PFKFB3: variants seen among roughly 807,000 people sequenced by gnomAD.
The protein encoded by PFKFB3 is 6-phosphofructo-2-kinase/fructose-2,6-biphosphatase 3.
PFKFB3 carries 33 observed loss-of-function variants against 68.0 expected under a neutral mutation model. The observed-to-expected ratio is 0.49, with a 90% CI of 0.37 to 0.65. PFKFB3 has a LOEUF of 0.65. Ranked by LOEUF, PFKFB3 falls within the 30% of genes least tolerant of loss-of-function variation. PFKFB3 has a pLI of 0.00. For missense variants in PFKFB3, 586 were observed against 712.2 expected, an observed-to-expected ratio of 0.82 and a Z score of 2.02; for synonymous variants, 315 against 288.2, an observed-to-expected ratio of 1.09 and a Z score of -0.94.
chr10:6,221,957 G>A (rs1175806500), intron 10 of PFKFB3, among the ~76,000 whole-genome samples: 1 of 152,192 alleles, frequency 6.6e-6, no homozygotes, highest in East Asian at 1.9e-4. Context: ...TGTTTCCCTA[G>A]GGACATAGAA....
chr10:6,167,329 C>CGGTCCTCAG (rs1030103118), intron 1 of PFKFB3, among the ~76,000 whole-genome samples: 2 of 152,198 alleles, frequency 1.3e-5, no homozygotes, highest in Non-Finnish European at 2.9e-5. Flanking sequence ...TTCAGCTCTG[C>CGGTCCTCAG]GGTCCTCAGT....
At chr10:6,246,496 C>T (rs1354797192) in intron 14 of PFKFB3, among the ~76,000 whole-genome samples, 8 of 151,678 alleles carry the variant, frequency 5.3e-5, no homozygotes, top group Admixed American at 3.3e-4. Flanking sequence ...CCTGCCACCA[C>T]GCCTGGCTAA....
chr10:6,212,673 A>G (rs1844307234), intron 1 of PFKFB3, among the ~76,000 whole-genome samples: 1 of 152,060 alleles, frequency 6.6e-6, no homozygotes, highest in African/African-American at 2.4e-5. Context: ...TTTTTAATTT[A>G]TTTGTTTGTA....
At chr10:6,224,449 C>T (rs977897124) in intron 13 of PFKFB3, 24 of 640,712 alleles carry the variant, frequency 3.7e-5, no homozygotes, top group Middle Eastern at 4.1e-4. Context: ...CTGCTGAGCT[C>T]GAGATATGAA....
chr10:6,195,152 G>T (rs771168721), intron 1 of PFKFB3, among the ~76,000 whole-genome samples: 2 of 152,162 alleles, frequency 1.3e-5, no homozygotes, highest in African/African-American at 4.8e-5. Flanking sequence ...GATTACAGGC[G>T]TGAGCCACTG....
chr10:6,269,611 G>T, the PFKFB3 span, among the ~76,000 whole-genome samples: 1 of 152,178 alleles, frequency 6.6e-6, no homozygotes, highest in South Asian at 2.1e-4. Flanking sequence ...TTAGGAAAGT[G>T]GAAGTGACTT....
the PFKFB3 span, among the ~76,000 whole-genome samples, chr10:6,289,423 G>A: frequency 6.6e-6 from 1 of 152,024 alleles, no homozygotes; most frequent in Non-Finnish European, 1.5e-5. Context: ...TTCTACATAT[G>A]GCTAGCTAGT....
At chr10:6,191,820 G>A (rs1158783627) in intron 1 of PFKFB3, among the ~76,000 whole-genome samples, 11 of 152,080 alleles carry the variant, frequency 7.2e-5, no homozygotes, top group Non-Finnish European at 2.9e-5. Context: ...CCGCGCCTTC[G>A]TCAGTGGCTC....
In PFKFB3 at chr10:6,213,736, G is replaced by A. The variant is rs375018306; in HGVS notation, c.190G>A (p.Val64Ile). ...KLTRYLNWIGVPTKVFNVGEY... is the reference protein window; with the variant it reads ...KLTRYLNWIGIPTKVFNVGEY... ...GACTCGCTACCTCAACTGGATTGGC[G>A]TCCCCACAAAAGGTGAGACTGGGTC... Residue 64 changes from valine (V) to isoleucine (I), a missense_variant, in exon 2 of 15, where the codon GTC becomes ATC. Physicochemically the swap from Val to Ile is conservative, Grantham distance 29. Transcript: ENST00000379775. The A allele has an allele frequency of 5.6e-6, 9 of 1,612,356 alleles. No individual in the cohort carries two copies. In the African/African-American group the frequency reaches 8.0e-5, roughly 14 times the overall value.
At chr10:6,224,060 T>C in intron 12 of PFKFB3, 40 bp downstream of exon 12, 9 of 1,611,532 alleles carry the variant, frequency 5.6e-6, no homozygotes, top group Non-Finnish European at 7.6e-6. Flanking sequence ...CCCCTGAAGG[T>C]GGCCACAGTA....
chr10:6,228,048 GC>G lies in PFKFB3; in HGVS notation c.1515+1684del. The G allele has an allele frequency of 1.3e-6, 1 of 774,484 alleles. No homozygotes were observed. Among genetic ancestry groups the G allele is most frequent in the Admixed American group, 2.0e-5 (1 of 49,650 alleles). 48.0% of individuals were successfully genotyped at this position (774,484 alleles called of 1,614,324 possible). A position where few individuals can be genotyped will look rare whatever the true frequency, so the allele number is the denominator to read the frequency against. On this transcript the variant is annotated intron_variant, in intron 14 of 14. Coordinates refer to ENST00000379775, the MANE Select transcript of PFKFB3 (RefSeq NM_004566.4). The surrounding 1 kb of genome is among the most constrained non-coding windows in gnomAD (Gnocchi z 4.5). The stretch of plus-strand genomic sequence containing the variant: ...CCTGTCCGCTTCAGAGCTGCCCCTG[GC>G]GTTGGGAGGACAGTCCTTCAGGGTG...
chr10:6,205,388 C>CTTTTTTTTTTTTT (rs3084014), intron 1 of PFKFB3, among the ~76,000 whole-genome samples: 1 of 106,542 alleles, frequency 9.4e-6, no homozygotes. Flanking sequence ...TTCTTTCTTC[C>CTTTTTTTTTTTTT]TTTTTTTTTT....
chr10:6,270,716 C>T, the PFKFB3 span, among the ~76,000 whole-genome samples: 2 of 152,184 alleles, frequency 1.3e-5, no homozygotes, highest in Non-Finnish European at 2.9e-5. Context: ...CTAGATTAGG[C>T]CCTATGACAT....
At chr10:6,199,740 A>G (rs190710072), upstream of PFKFB3, among the ~76,000 whole-genome samples, 508 of 141,260 alleles carry the variant, frequency 3.6e-3, 5 homozygotes, top group Middle Eastern at 0.016. Flanking sequence ...AGCTCAAGCA[A>G]TCCGTCCGCC....
the PFKFB3 span, among the ~76,000 whole-genome samples, chr10:6,296,793 G>A: frequency 6.6e-6 from 1 of 152,152 alleles, no homozygotes; most frequent in Non-Finnish European, 1.5e-5. Flanking sequence ...TCTTGGTTTT[G>A]GTGGGCTTTG....
At chr10:6,250,910 T>C (rs1362042506) in intron 14 of PFKFB3, among the ~76,000 whole-genome samples, 1 of 152,236 alleles carries the variant, frequency 6.6e-6, no homozygotes, top group Non-Finnish European at 1.5e-5. Flanking sequence ...TGGGTTGAAC[T>C]ACGCCAGCGC....
At chr10:6,263,545 C>A in the PFKFB3 span, among the ~76,000 whole-genome samples, 1 of 152,224 alleles carries the variant, frequency 6.6e-6, no homozygotes, top group Non-Finnish European at 1.5e-5. Flanking sequence ...TCCTGAATTT[C>A]CATCTCTTTC....
the PFKFB3 span, among the ~76,000 whole-genome samples, chr10:6,285,953 T>C: frequency 5.9e-5 from 9 of 151,770 alleles, no homozygotes; most frequent in South Asian, 4.2e-4. Flanking sequence ...TCCATTCATC[T>C]GTTGACCATC....
Position 6,228,453 on chromosome 10 carries a change from G to C in PFKFB3, c.1515+2088G>C, listed in dbSNP as rs1402737669. On this transcript the variant is annotated intron_variant, in intron 14 of 14. Transcript: ENST00000379775. This position sits in a 1 kb window ranked among gnomAD's most constrained non-coding sequence, Gnocchi z 4.5. Reference sequence around the variant, plus strand: ...CTGTTGGGTGTGTTCCGACACCGCCGCACGACCGCTGGCTTCTCCCCTACC... The same window carrying C: ...CTGTTGGGTGTGTTCCGACACCGCCCCACGACCGCTGGCTTCTCCCCTACC... Among the ~76,000 whole-genome samples the C allele has an allele frequency of 6.6e-6, 1 of 152,042 alleles. No individual in the cohort carries two copies. The highest frequency in any genetic ancestry group is 6.6e-5 in the Admixed American group (1 of 15,248).
Sources: gnomAD v4.1 joint callset for allele counts (sites outside exome capture counted in the v4.1 genomes callset) on GRCh38, gnomAD v4.1.1 for gene constraint, Gnocchi (gnomAD v3.1) non-coding constraint, MANE v1.5 for transcripts, NCBI Gene and HGNC (gene_info 2026-07-23, HGNC 2026-07-21) for gene names.